TFAP2D: variants seen among roughly 807,000 people sequenced by gnomAD.
The protein encoded by TFAP2D is transcription factor AP-2 delta.
TFAP2D carries 9 observed loss-of-function variants against 43.6 expected under a neutral mutation model. The observed-to-expected ratio is 0.21, with a 90% CI of 0.12 to 0.36. The LOEUF is 0.36. Among genes scored for constraint, TFAP2D ranks in the 10% least tolerant of loss-of-function variants. The probability of loss-of-function intolerance (pLI) is 1.00; values close to 1 mark genes in which losing one functional copy is unlikely to be tolerated. For missense variants in TFAP2D, 513 were observed against 561.4 expected (o/e 0.91, Z 0.87); for synonymous variants, 256 against 224.9 (o/e 1.14, Z -1.24).
intron 6 of TFAP2D, among the ~76,000 whole-genome samples, chr6:50,747,228 C>T (rs748065744): frequency 1.8e-4 from 27 of 152,092 alleles, no homozygotes; most frequent in Non-Finnish European, 2.6e-4. Context: ...TCAGTTTCTC[C>T]AAAAGGAGCT....
At chr6:50,757,178 G>A (rs1769276805) in intron 7 of TFAP2D, among the ~76,000 whole-genome samples, 2 of 150,184 alleles carry the variant, frequency 1.3e-5, no homozygotes, top group South Asian at 4.2e-4. Context: ...CTATGTTAAT[G>A]GCAGGTAGTG....
chr6:50,749,963 A>G (rs777825574), intron 6 of TFAP2D, among the ~76,000 whole-genome samples: 3 of 151,834 alleles, frequency 2.0e-5, no homozygotes, highest in Non-Finnish European at 2.9e-5. Flanking sequence ...GAATAAGGCA[A>G]TTTCTGTGAA....
chr6:50,751,079 T>G, intron 6 of TFAP2D, 132 bp from the exon 7 acceptor site: 1 of 628,506 alleles, frequency 1.6e-6, no homozygotes, highest in East Asian at 2.9e-5. Flanking sequence ...GAATGGAACT[T>G]TTGAGGTTGC....
At chr6:50,719,017 A>G (rs1358256555) in intron 2 of TFAP2D, 73 bp from the exon 3 acceptor site, 14 of 1,459,034 alleles carry the variant, frequency 9.6e-6, no homozygotes, top group East Asian at 2.4e-5. Flanking sequence ...GGGCTAGTCT[A>G]AAAGACTTTA....
At chr6:50,729,123 G>A in intron 4 of TFAP2D, 71 bp from the exon 5 acceptor site, 1 of 1,603,040 alleles carries the variant, frequency 6.2e-7, no homozygotes, top group Non-Finnish European at 8.5e-7. Context: ...TTCCCCATGT[G>A]GTCAAGTCGT....
intron 5 of TFAP2D, among the ~76,000 whole-genome samples, chr6:50,735,132 C>T (rs1345653036): frequency 6.6e-6 from 1 of 151,924 alleles, no homozygotes; most frequent in East Asian, 1.9e-4. Context: ...CCATAGTGCC[C>T]AGAATAAAGT....
chr6:50,727,293 C>T (rs1431544741), intron 3 of TFAP2D, among the ~76,000 whole-genome samples: 1 of 152,164 alleles, frequency 6.6e-6, no homozygotes, highest in Non-Finnish European at 1.5e-5. Context: ...GCAAGGTTAA[C>T]TTTTTCTGTC....
At chr6:50,728,004 T>G (rs1455533146) in intron 3 of TFAP2D, among the ~76,000 whole-genome samples, 1 of 152,116 alleles carries the variant, frequency 6.6e-6, no homozygotes, top group African/African-American at 2.4e-5. Flanking sequence ...TGGAGGAGAT[T>G]GAAGCTCAGG....
At chr6:50,731,420 A>G (rs1181550928) in intron 5 of TFAP2D, among the ~76,000 whole-genome samples, 1 of 150,644 alleles carries the variant, frequency 6.6e-6, no homozygotes, top group African/African-American at 2.5e-5. Context: ...TCCGCTCTTG[A>G]CATAGTAAGA....
At position 50,745,156 on chromosome 6, in the gene TFAP2D, G is replaced by A. The variant is rs1318233194; in HGVS notation, c.933G>A (p.Glu311=). Residue 311 remains glutamate (E), a synonymous_variant, in exon 6 of 8, where the codon GAG becomes GAA. Transcript: ENST00000008391. ...ATTTTGGCTACACTTGTGAAACAGA[G>A]TTTCCAGCCAAAGCAGTAGGAGAAC... ...ARDFGYTCET[E]FPAKAVGEHL... is the part of the protein sequence containing the mutation. The A allele has an allele frequency of 4.3e-6, 7 of 1,613,636 alleles. No homozygotes were observed. The highest frequency in any genetic ancestry group is 1.7e-5 in the Admixed American group (1 of 59,898).
intron 3 of TFAP2D, among the ~76,000 whole-genome samples, chr6:50,726,227 T>G (rs1005566171): frequency 1.3e-5 from 2 of 152,178 alleles, no homozygotes; most frequent in African/African-American, 4.8e-5. Flanking sequence ...AGTCTTCCAG[T>G]TGGGGAGAGC....
chr6:50,743,573 T>A (rs572173132), intron 5 of TFAP2D, among the ~76,000 whole-genome samples: 73 of 152,084 alleles, frequency 4.8e-4, no homozygotes, highest in African/African-American at 1.7e-3. Context: ...GTAGAGATGA[T>A]GGGGTCTTTC....
At chr6:50,744,739 G>A (rs1333303581) in intron 5 of TFAP2D, among the ~76,000 whole-genome samples, 1 of 152,152 alleles carries the variant, frequency 6.6e-6, no homozygotes, top group Non-Finnish European at 1.5e-5. Context: ...AGGCTCAGCA[G>A]CCACAAAATG....
Position 50,728,986 on chromosome 6 carries a change from C to T in TFAP2D, c.729C>T (p.Cys243=), listed in dbSNP as rs1262630578. ...AGAGGCGCCTCTCCCCACCTGAGTG[C>T]CTCAATGCTTCACTCTTGGGAGGCA... ...EVKRRLSPPE[C]LNASLLGGIL... is the part of the protein sequence containing the mutation. Residue 243 remains cysteine (C), a synonymous_variant, in exon 4 of 8, where the codon TGC becomes TGT. Coordinates refer to ENST00000008391, the MANE Select transcript of TFAP2D (RefSeq NM_172238.4). The T allele has an allele frequency of 1.2e-6, 2 of 1,613,980 alleles. No individual in the cohort carries two copies. Among genetic ancestry groups the T allele is most frequent in the Non-Finnish European group, 1.7e-6 (2 of 1,179,930 alleles).
chr6:50,748,547 T>C (rs1769156884), intron 6 of TFAP2D, among the ~76,000 whole-genome samples: 1 of 151,916 alleles, frequency 6.6e-6, no homozygotes, highest in Non-Finnish European at 1.5e-5. Context: ...AAAGGGCCTA[T>C]TAATTAAGTG....
chr6:50,743,186 G>A (rs1032209508), intron 5 of TFAP2D, among the ~76,000 whole-genome samples: 2 of 151,946 alleles, frequency 1.3e-5, no homozygotes, highest in Admixed American at 6.6e-5. Context: ...AACTAAAGAC[G>A]TGCCATTGCT....
chr6:50,755,248 T>A (rs1769247793), intron 7 of TFAP2D, among the ~76,000 whole-genome samples: 2 of 151,982 alleles, frequency 1.3e-5, no homozygotes, highest in South Asian at 4.1e-4. Context: ...AGGTTCCTGA[T>A]GTAGACTGAA....
intron 6 of TFAP2D, among the ~76,000 whole-genome samples, chr6:50,748,611 T>C (rs1267070886): frequency 6.6e-6 from 1 of 151,954 alleles, no homozygotes; most frequent in East Asian, 1.9e-4. Flanking sequence ...TTAAATATTT[T>C]GTGTAATTTA....
intron 7 of TFAP2D, among the ~76,000 whole-genome samples, chr6:50,758,064 T>C (rs1165365471): frequency 6.6e-6 from 1 of 151,532 alleles, no homozygotes; most frequent in Admixed American, 6.6e-5. Context: ...GATGTTTTAA[T>C]TGGACGATGG....
Sources: gnomAD v4.1 joint callset for allele counts (sites outside exome capture counted in the v4.1 genomes callset) on GRCh38, gnomAD v4.1.1 for gene constraint, MANE v1.5 for transcripts, NCBI Gene and HGNC (gene_info 2026-07-23, HGNC 2026-07-21) for gene names.